Variants in LYZL1 observed in about 807,000 individuals in gnomAD.
LYZL1 encodes the protein lysozyme-like protein 1.
Under a neutral mutation model 17.9 loss-of-function variants are expected in LYZL1, and 16 were observed. That is an observed-to-expected ratio of 0.90 (90% CI 0.61 to 1.36). LYZL1 has a LOEUF of 1.36. LYZL1 is among the 40% of genes most tolerant of loss of function. The probability of loss-of-function intolerance (pLI) is 0.00; values close to 1 mark genes in which losing one functional copy is unlikely to be tolerated. For synonymous variants in LYZL1, 58 were observed against 71.8 expected (o/e 0.81, Z 0.97); for missense variants, 149 against 188.4 (o/e 0.79, Z 1.22).
At chr10:29,312,496 CT>C (rs1264927391), downstream of LYZL1, among the ~76,000 whole-genome samples, 1 of 152,132 alleles carries the variant, frequency 6.6e-6, no homozygotes, top group Admixed American at 6.6e-5. Context: ...TGGGACACCC[CT>C]GATTTAAATT....
rs372848619 is a variant in LYZL1 at position 29,291,919 on chromosome 10, G to A, written c.52G>A (p.Glu18Lys). ...CATTGGCTGCCTGGTCACAGGCGCC[G>A]AGTCCAAAATCTACACTCGTTGCAA... is the stretch of plus-strand genomic sequence containing the variant. ...TLIGCLVTGA[E>K]SKIYTRCKLA... The change falls in exon 2 of 5, where the codon GAG becomes AAG. Residue 18 changes from glutamate to lysine, a missense_variant. By Grantham distance (56) the Glu-to-Lys change is moderately conservative. Around this residue, in one of 2 missense-constraint regions of LYZL1, gnomAD observed 19 missense variants for 55.9 expected, o/e 0.34. Coordinates refer to ENST00000649382, the MANE Select transcript of LYZL1 (RefSeq NM_032517.6). 2.8e-5 allele frequency: 45 copies of A among 1,590,928 alleles called. No individual in the cohort carries two copies. The Admixed American group carries it at 4.6e-4, about 16-fold the overall frequency.
intron 3 of LYZL1, among the ~76,000 whole-genome samples, chr10:29,296,133 C>G (rs945498100): frequency 6.6e-6 from 1 of 152,122 alleles, no homozygotes; most frequent in Non-Finnish European, 1.5e-5. Flanking sequence ...TACCCCTCTC[C>G]TCCCTCTTGG....
chr10:29,315,870 A>G (rs1033342818), downstream of LYZL1, among the ~76,000 whole-genome samples: 14 of 151,966 alleles, frequency 9.2e-5, no homozygotes, highest in Non-Finnish European at 1.8e-4. Context: ...AAAAGTTTAA[A>G]GCATGAAAAT....
chr10:29,310,613 T>G (rs1222940789), intron 4 of LYZL1, among the ~76,000 whole-genome samples: 1 of 152,116 alleles, frequency 6.6e-6, no homozygotes, highest in Non-Finnish European at 1.5e-5. Flanking sequence ...TGAGCAGGTC[T>G]GTGTCATGGC....
chr10:29,297,555 G>T lies in LYZL1; in HGVS notation c.298+4878G>T, dbSNP rs540110162. Among the ~76,000 whole-genome samples, 702 of 152,218 alleles carry T rather than the reference G, an allele frequency of 4.6e-3. 22 individuals carry two copies. The highest frequency in any genetic ancestry group is 0.032 in the Admixed American group (484 of 15,292). ...ATTCTGAGTAGTGTGATGAAATCTTGCACCATTCTGCTTTGTCTCATACTG... is the reference window on the plus strand; with the variant it reads ...ATTCTGAGTAGTGTGATGAAATCTTTCACCATTCTGCTTTGTCTCATACTG... On this transcript the variant is annotated intron_variant, in intron 3 of 4. Transcript: ENST00000649382.
downstream of LYZL1, among the ~76,000 whole-genome samples, chr10:29,313,193 G>GA (rs1264870023): frequency 6.6e-6 from 1 of 152,048 alleles, no homozygotes. Flanking sequence ...AACCCTGAGG[G>GA]AAAAAACCTT....
intron 1 of LYZL1, among the ~76,000 whole-genome samples, chr10:29,290,068 C>T (rs533292012): frequency 9.2e-5 from 14 of 152,262 alleles, no homozygotes; most frequent in East Asian, 5.8e-4. Context: ...TTACTTGGTG[C>T]GGTGGCCTTG....
chr10:29,306,792 A>ATGTGTGTG (rs1238882899), intron 3 of LYZL1, among the ~76,000 whole-genome samples: 33 of 91,542 alleles, frequency 3.6e-4, no homozygotes, highest in African/African-American at 1.5e-3. Context: ...GTTACCGCTT[A>ATGTGTGTG]TGTATGTGTG....
chr10:29,294,002 T>A (rs915509304), intron 3 of LYZL1, among the ~76,000 whole-genome samples: 1 of 149,180 alleles, frequency 6.7e-6, no homozygotes, highest in Middle Eastern at 3.5e-3. Flanking sequence ...AAAAAGAAAA[T>A]CATGGAAAAT....
At chr10:29,310,673 T>C (rs1336623956) in intron 4 of LYZL1, among the ~76,000 whole-genome samples, 7 of 152,238 alleles carry the variant, frequency 4.6e-5, no homozygotes, top group Non-Finnish European at 8.8e-5. Context: ...TTGCATTCGC[T>C]GCTGCTGTGT....
chr10:29,297,494 A>G (rs1052039276), intron 3 of LYZL1, among the ~76,000 whole-genome samples: 1 of 152,212 alleles, frequency 6.6e-6, no homozygotes, highest in African/African-American at 2.4e-5. Flanking sequence ...AGAAAATTCC[A>G]GAAATAAACA....
In LYZL1 at chr10:29,311,172, A is replaced by C. The variant is rs1000750704; in HGVS notation, c.*113A>C. The C allele has an allele frequency of 1.9e-6, 3 of 1,602,990 alleles. No individual in the cohort carries two copies. The African/African-American group carries it at 4.0e-5, about 22-fold the overall frequency. Reference sequence around the variant, plus strand: ...TCCCAATATTCCTTCTCAAACTTGGAGAGGGAAAATTAAGCTATACTTTTA... The same window carrying C: ...TCCCAATATTCCTTCTCAAACTTGGCGAGGGAAAATTAAGCTATACTTTTA... On this transcript the variant is annotated 3_prime_UTR_variant, in exon 5 of 5. Coordinates refer to ENST00000649382, the MANE Select transcript of LYZL1 (RefSeq NM_032517.6).
At chr10:29,305,713 A>T (rs1481500257) in intron 3 of LYZL1, among the ~76,000 whole-genome samples, 1 of 152,252 alleles carries the variant, frequency 6.6e-6, no homozygotes, top group Non-Finnish European at 1.5e-5. Context: ...TTCAATTGCT[A>T]TCTCTTACTG....
chr10:29,293,481 A>G (rs1329933303), intron 3 of LYZL1, among the ~76,000 whole-genome samples: 2 of 152,206 alleles, frequency 1.3e-5, no homozygotes, highest in African/African-American at 4.8e-5. Context: ...ATTTACTTTC[A>G]TGTCTTCTAC....
chr10:29,302,448 A>G (rs1371206114), intron 3 of LYZL1, among the ~76,000 whole-genome samples: 1 of 152,232 alleles, frequency 6.6e-6, no homozygotes, highest in Non-Finnish European at 1.5e-5. Context: ...GGAGTCTTCC[A>G]TGATTATTCA....
At chr10:29,313,145 C>T (rs1835692501), downstream of LYZL1, among the ~76,000 whole-genome samples, 1 of 152,168 alleles carries the variant, frequency 6.6e-6, no homozygotes, top group Admixed American at 6.5e-5. Context: ...TATTTCTAAA[C>T]ATACATGTCA....
chr10:29,316,843 C>T (rs998203485), intron 3 of LYZL1, among the ~76,000 whole-genome samples: 3 of 151,786 alleles, frequency 2.0e-5, no homozygotes, highest in African/African-American at 4.8e-5. Context: ...CAGCCTCCCA[C>T]GTAGCTGGGA....
chr10:29,293,374 G>C (rs1004922077), intron 3 of LYZL1, among the ~76,000 whole-genome samples: 2 of 151,952 alleles, frequency 1.3e-5, no homozygotes, highest in African/African-American at 4.8e-5. Context: ...GGCCTAAGGA[G>C]ATTCTCCTGC....
At chr10:29,289,357 G>A in intron 1 of LYZL1, 127 bp downstream of exon 1, 1 of 648,994 alleles carries the variant, frequency 1.5e-6, no homozygotes, top group South Asian at 4.3e-5. Flanking sequence ...AAAATTCTAA[G>A]GCAGGGGATG....
Sources: allele counts gnomAD v4.1 joint callset (sites outside exome capture counted in the v4.1 genomes callset), GRCh38; gene constraint gnomAD v4.1.1; regional missense constraint gnomAD v4.1.1; transcripts MANE v1.5; gene names NCBI Gene and HGNC (gene_info 2026-07-23, HGNC 2026-07-21).